DMGDH: variants seen among roughly 807,000 people sequenced by gnomAD.
DMGDH encodes dimethylglycine dehydrogenase, also known as dimethylglycine dehydrogenase, mitochondrial.
A neutral mutation model predicts 95.2 loss-of-function variants in DMGDH; 76 were observed. That is an observed-to-expected ratio of 0.80 (90% CI 0.66 to 0.97). DMGDH has a LOEUF of 0.97. Among genes scored for constraint, DMGDH ranks in the 50% least tolerant of loss-of-function variants. The probability of loss-of-function intolerance (pLI) is 0.00; values close to 1 mark genes in which losing one functional copy is unlikely to be tolerated. For synonymous variants in DMGDH, 345 were observed against 377.6 expected, an observed-to-expected ratio of 0.91 and a Z score of 1.00; for missense variants, 987 against 1,055.0, an observed-to-expected ratio of 0.94 and a Z score of 0.89.
chr5:79,045,010 C>G (rs1754631765), intron 5 of DMGDH, among the ~76,000 whole-genome samples: 1 of 152,098 alleles, frequency 6.6e-6, no homozygotes, highest in Non-Finnish European at 1.5e-5. Context: ...CTAAGAAAGC[C>G]CTACAAGCCA....
At chr5:79,033,437 T>G in intron 7 of DMGDH, 29 bp from the exon 8 acceptor site, 1 of 1,612,632 alleles carries the variant, frequency 6.2e-7, no homozygotes, top group Non-Finnish European at 8.5e-7. Flanking sequence ...GAAAACCCAT[T>G]ACTAACACAT....
intron 14 of DMGDH, among the ~76,000 whole-genome samples, chr5:79,015,682 C>CA (rs1753719326): frequency 6.6e-6 from 1 of 152,046 alleles, no homozygotes; most frequent in Admixed American, 6.6e-5. Context: ...AAAAGAAAAA[C>CA]AGGAAAAATA....
intron 5 of DMGDH, among the ~76,000 whole-genome samples, chr5:79,047,618 C>A (rs1754719100): frequency 6.6e-6 from 1 of 152,100 alleles, no homozygotes; most frequent in South Asian, 2.1e-4. Context: ...TGAGCTGTAC[C>A]TGAGGGAAAG....
intron 15 of DMGDH, among the ~76,000 whole-genome samples, chr5:79,004,905 A>G (rs1414905144): frequency 6.6e-6 from 1 of 152,212 alleles, no homozygotes; most frequent in East Asian, 1.9e-4. Flanking sequence ...GATCCATAAA[A>G]AGTTAAATCA....
At chr5:79,058,341 A>G (rs1249458803) in intron 2 of DMGDH, among the ~76,000 whole-genome samples, 2 of 152,222 alleles carry the variant, frequency 1.3e-5, no homozygotes, top group South Asian at 2.1e-4. Flanking sequence ...TGCACATGGT[A>G]TCTTTTGTTA....
At chr5:79,033,487 G>T in intron 7 of DMGDH, 79 bp from the exon 8 acceptor site, 1 of 1,529,932 alleles carries the variant, frequency 6.5e-7, no homozygotes, top group Non-Finnish European at 9.0e-7. Flanking sequence ...ATTTTATAGG[G>T]CTTCAAAGTT....
Position 79,024,341 on chromosome 5 carries a change from A to G in DMGDH, c.2191-11T>C. The G allele has an allele frequency of 6.2e-7, 1 of 1,612,636 alleles. No homozygotes were observed. On this transcript the variant is annotated splice_polypyrimidine_tract_variant and intron_variant, in intron 13 of 15. Coordinates refer to ENST00000255189, the MANE Select transcript of DMGDH (RefSeq NM_013391.3). ...TGTATCACAGTTCATCTAAAAAGGA[A>G]ACACACATTTTAAATCTTAGATGAG...
chr5:79,000,895 A>G (rs1271278084), intron 15 of DMGDH: 2 of 661,514 alleles, frequency 3.0e-6, no homozygotes, highest in Admixed American at 4.8e-5. Context: ...CCTTTAAGCC[A>G]ATGAGCATTC....
chr5:79,040,508 A>T (rs1208248895), intron 7 of DMGDH, among the ~76,000 whole-genome samples: 1 of 152,250 alleles, frequency 6.6e-6, no homozygotes, highest in Non-Finnish European at 1.5e-5. Context: ...TAAAACTCTT[A>T]GAAGAAAACA....
At chr5:79,038,405 A>G (rs1304611556) in intron 7 of DMGDH, among the ~76,000 whole-genome samples, 1 of 152,060 alleles carries the variant, frequency 6.6e-6, no homozygotes, top group African/African-American at 2.4e-5. Context: ...AATTGCTTGA[A>G]CCCGGGAGGT....
intron 6 of DMGDH, among the ~76,000 whole-genome samples, chr5:79,042,903 T>C (rs1368694182): frequency 1.3e-5 from 2 of 152,110 alleles, no homozygotes; most frequent in Non-Finnish European, 1.5e-5. Context: ...CTGGAAAAAG[T>C]GGAACACTCC....
intron 2 of DMGDH, among the ~76,000 whole-genome samples, chr5:79,060,802 C>T (rs1755181885): frequency 6.6e-6 from 1 of 151,724 alleles, no homozygotes; most frequent in Admixed American, 6.6e-5. Context: ...ACCTGTAGTC[C>T]CAGCTACTTG....
intron 4 of DMGDH, among the ~76,000 whole-genome samples, chr5:79,052,959 T>C (rs1347830188): frequency 6.6e-6 from 1 of 152,092 alleles, no homozygotes; most frequent in East Asian, 1.9e-4. Context: ...AAGCATGTGT[T>C]TCCCCAACAG....
chr5:79,025,319 G>C (rs1047589930), intron 13 of DMGDH, among the ~76,000 whole-genome samples: 8 of 152,164 alleles, frequency 5.3e-5, no homozygotes, highest in Non-Finnish European at 4.4e-5. Context: ...TCCTCGGAGA[G>C]TGTGGGGACC....
At chr5:79,027,522 C>T (rs1754035117) in intron 12 of DMGDH, among the ~76,000 whole-genome samples, 1 of 152,118 alleles carries the variant, frequency 6.6e-6, no homozygotes, top group African/African-American at 2.4e-5. Context: ...AATGCCTGGG[C>T]ATGCAGTACT....
At chr5:79,017,766 T>C (rs1010025846) in intron 14 of DMGDH, among the ~76,000 whole-genome samples, 1 of 152,210 alleles carries the variant, frequency 6.6e-6, no homozygotes, top group Non-Finnish European at 1.5e-5. Context: ...TCCACTTATA[T>C]GTGCATTTTT....
intron 14 of DMGDH, chr5:79,020,543 T>C (rs916783362): frequency 5.0e-5 from 22 of 442,748 alleles, no homozygotes; most frequent in African/African-American, 8.6e-5. Context: ...GGCTTGGTAC[T>C]AAGCGCTTTG....
rs575668766 is a variant in DMGDH, at chr5:79,039,506, A to G, written c.1193+2777T>C. On this transcript the variant is annotated intron_variant, in intron 7 of 15. Transcript: ENST00000255189. ...CTCACTCGTAGGTCGGAATTGAACA[A>G]TGAGAACACATGGACACAGGAAGGG... Among the ~76,000 whole-genome samples, 19 of 152,238 alleles carry G rather than the reference A, an allele frequency of 1.2e-4. No homozygotes were observed. In the South Asian group the frequency reaches 3.1e-3, roughly 25 times the overall value.
intron 5 of DMGDH, among the ~76,000 whole-genome samples, chr5:79,049,422 G>C (rs1446731295): frequency 6.6e-6 from 1 of 152,198 alleles, no homozygotes; most frequent in African/African-American, 2.4e-5. Flanking sequence ...GTACTGTGTT[G>C]AGAAAAATGG....
Sources: gnomAD v4.1 joint callset for allele counts (sites outside exome capture counted in the v4.1 genomes callset) on GRCh38, gnomAD v4.1.1 for gene constraint, MANE v1.5 for transcripts, NCBI Gene and HGNC (gene_info 2026-07-23, HGNC 2026-07-21) for gene names.